CARMIL1: variants seen among roughly 807,000 people sequenced by gnomAD.
CARMIL1 encodes the protein F-actin-uncapping protein LRRC16A.
In CARMIL1, 90 loss-of-function variants were observed where a neutral mutation model predicts 177.1. The ratio of observed to expected loss-of-function variants is 0.51; its 90% CI spans 0.43 to 0.61. The LOEUF is 0.61. Among genes scored for constraint, CARMIL1 ranks in the 20% least tolerant of loss-of-function variants. CARMIL1 has a pLI of 0.00. For missense variants in CARMIL1, 1,380 were observed against 1,667.0 expected (o/e 0.83, Z 3.00); for synonymous variants, 577 against 606.2 (o/e 0.95, Z 0.71).
At position 25,435,506 on chromosome 6, in the gene CARMIL1, C is replaced by T. The variant is rs766019810; in HGVS notation, c.273C>T (p.Cys91=). The part of the protein sequence containing the change: ...SAQMIVETEK[C]SISMKMASPE... ...AGATGATTGTGGAAACTGAGAAGTGCAGCATTTCCATGAAGATGGCGTCAC... is the reference window on the plus strand; with the variant it reads ...AGATGATTGTGGAAACTGAGAAGTGTAGCATTTCCATGAAGATGGCGTCAC... The change falls in exon 5 of 37, where the codon TGC becomes TGT. Residue 91 remains cysteine, a synonymous_variant. Coordinates refer to ENST00000329474, the MANE Select transcript of CARMIL1 (RefSeq NM_017640.6). 26 of 1,551,598 alleles carry T rather than the reference C, an allele frequency of 1.7e-5. No individual in the cohort carries two copies. In the South Asian group the frequency reaches 3.1e-4, roughly 18 times the overall value.
At chr6:25,345,547 T>A (rs1487904316) in intron 2 of CARMIL1, among the ~76,000 whole-genome samples, 2 of 152,164 alleles carry the variant, frequency 1.3e-5, no homozygotes, top group Non-Finnish European at 2.9e-5. Flanking sequence ...TCCTCCACAG[T>A]CATTCCCATC....
intron 30 of CARMIL1, 117 bp from the exon 31 acceptor site, chr6:25,581,126 A>G (rs1289771095): frequency 1.6e-6 from 2 of 1,261,270 alleles, no homozygotes; most frequent in African/African-American, 3.0e-5. Flanking sequence ...TGATCTGTGA[A>G]TGTGTGTTTG....
intron 23 of CARMIL1, among the ~76,000 whole-genome samples, chr6:25,526,349 A>G (rs1807135974): frequency 6.6e-6 from 1 of 151,874 alleles, no homozygotes; most frequent in South Asian, 2.1e-4. Flanking sequence ...TCTCAAAAAA[A>G]AAAGAAAATG....
In CARMIL1 at chr6:25,331,352, C is replaced by T. The variant is rs150022016; in HGVS notation, c.138+46443C>T. ...GGCACTGCCTCCATGATAGACGCTC[C>T]ACTGATGCTGCAGCCCATGATAGGC... On this transcript the variant is annotated intron_variant, in intron 2 of 36. Transcript: ENST00000329474. Among the ~76,000 whole-genome samples, 226 of 152,342 alleles carry T rather than the reference C, an allele frequency of 1.5e-3. 1 individual carries two copies. The highest frequency in any genetic ancestry group is 0.011 in the Admixed American group (175 of 15,302).
intron 2 of CARMIL1, among the ~76,000 whole-genome samples, chr6:25,315,579 GT>G (rs56186141): frequency 0.21 from 31,607 of 152,080 alleles, 4,232 homozygotes; most frequent in East Asian, 0.4. Flanking sequence ...ACCCGCCATT[GT>G]TTTTTTGTGT....
intron 2 of CARMIL1, among the ~76,000 whole-genome samples, chr6:25,389,849 G>A (rs769195499): frequency 1.7e-4 from 26 of 152,308 alleles, no homozygotes; most frequent in African/African-American, 6.3e-4. Context: ...AGGAGACACT[G>A]AGTTTCCTGC....
At chr6:25,422,064 T>A (rs1318508557) in intron 3 of CARMIL1, among the ~76,000 whole-genome samples, 5 of 152,024 alleles carry the variant, frequency 3.3e-5, no homozygotes, top group African/African-American at 1.2e-4. Context: ...CTAAAAGATG[T>A]GAAGTTGGCT....
intron 15 of CARMIL1, among the ~76,000 whole-genome samples, chr6:25,494,877 A>G (rs1223007157): frequency 1.3e-5 from 2 of 152,234 alleles, no homozygotes; most frequent in African/African-American, 4.8e-5. Context: ...TTCATTGGCT[A>G]TGAAGAATAG....
At chr6:25,418,108 A>G (rs2150679848) in intron 2 of CARMIL1, among the ~76,000 whole-genome samples, 1 of 152,298 alleles carries the variant, frequency 6.6e-6, no homozygotes, top group South Asian at 2.1e-4. Flanking sequence ...GCAGCCAGAA[A>G]GTGGCAGAGC....
At chr6:25,435,736 A>T in intron 5 of CARMIL1, 132 bp downstream of exon 5, 1 of 1,100,568 alleles carries the variant, frequency 9.1e-7, no homozygotes, top group Admixed American at 3.2e-5. Flanking sequence ...TAAATATTAA[A>T]TATCAAAACC....
chr6:25,610,975 C>T (rs2151334504), intron 36 of CARMIL1, among the ~76,000 whole-genome samples: 1 of 152,228 alleles, frequency 6.6e-6, no homozygotes, highest in South Asian at 2.1e-4. Context: ...ACCCAGAAGG[C>T]TCTCGTTGTG....
intron 8 of CARMIL1, among the ~76,000 whole-genome samples, chr6:25,459,246 C>CTTTCTTTCTTTCTTTCT (rs1562167309): frequency 2.7e-5 from 3 of 110,960 alleles, no homozygotes; most frequent in Admixed American, 1.1e-4. Flanking sequence ...TTCTTTCTTT[C>CTTTCTTTCTTTCTTTCT]TTTCTTTCTT....
intron 31 of CARMIL1, among the ~76,000 whole-genome samples, chr6:25,587,584 T>TA (rs1215340401): frequency 6.6e-6 from 1 of 152,236 alleles, no homozygotes; most frequent in Non-Finnish European, 1.5e-5. Context: ...ATATAAATCT[T>TA]ATATTTGTTT....
At position 25,515,514 on chromosome 6, in the gene CARMIL1, C is replaced by T. The variant is rs374139563; in HGVS notation, c.1633-161C>T. On this transcript the variant is annotated intron_variant, in intron 20 of 36. Coordinates refer to ENST00000329474, the MANE Select transcript of CARMIL1 (RefSeq NM_017640.6). The surrounding 1 kb of genome is among the most constrained non-coding windows in gnomAD (Gnocchi z 5.0). The stretch of plus-strand genomic sequence containing the variant: ...TTGACTCCAGCGGTCCATTTTGTGC[C>T]AGAACCTTAAGTTTCTATCCACGAG... Among the ~76,000 whole-genome samples the T allele has an allele frequency of 5.6e-4, 85 of 152,282 alleles. No individual in the cohort carries two copies. Among genetic ancestry groups the T allele is most frequent in the African/African-American group, 1.9e-3 (78 of 41,550 alleles).
intron 23 of CARMIL1, among the ~76,000 whole-genome samples, chr6:25,521,599 C>A (rs540919750): frequency 6.6e-6 from 1 of 152,142 alleles, no homozygotes; most frequent in East Asian, 1.9e-4. Flanking sequence ...GAAACCCCGT[C>A]TCTACTGAAA....
chr6:25,604,781 T>C (rs1284392954), intron 33 of CARMIL1, 31 bp from the exon 34 acceptor site: 1 of 1,531,128 alleles, frequency 6.5e-7, no homozygotes, highest in Non-Finnish European at 8.9e-7. Flanking sequence ...AAATGTGCAC[T>C]TTTTGGGGGG....
intron 2 of CARMIL1, among the ~76,000 whole-genome samples, chr6:25,350,006 T>C (rs1787958659): frequency 6.6e-6 from 1 of 151,898 alleles, no homozygotes; most frequent in South Asian, 2.1e-4. Context: ...GGATTACAGG[T>C]GTGAGCCACC....
At chr6:25,444,447 C>T (rs1798037389) in intron 5 of CARMIL1, among the ~76,000 whole-genome samples, 1 of 151,322 alleles carries the variant, frequency 6.6e-6, no homozygotes, top group Non-Finnish European at 1.5e-5. Flanking sequence ...CAAAGGTATA[C>T]ATGTGCCATG....
At chr6:25,411,285 C>T (rs1794884776) in intron 2 of CARMIL1, among the ~76,000 whole-genome samples, 1 of 152,172 alleles carries the variant, frequency 6.6e-6, no homozygotes, top group African/African-American at 2.4e-5. Context: ...ACAAAATCCT[C>T]ATGGACCCTG....
Sources: allele counts gnomAD v4.1 joint callset (sites outside exome capture counted in the v4.1 genomes callset), GRCh38; gene constraint gnomAD v4.1.1; non-coding constraint Gnocchi (gnomAD v3.1); transcripts MANE v1.5; gene names NCBI Gene and HGNC (gene_info 2026-07-23, HGNC 2026-07-21).